Variants in OPRM1 observed in about 807,000 individuals in gnomAD.
The protein encoded by OPRM1 is mu-type opioid receptor.
OPRM1 carries 27 observed loss-of-function variants against 31.8 expected under a neutral mutation model. The ratio of observed to expected loss-of-function variants is 0.85; its 90% CI spans 0.63 to 1.17. OPRM1 has a LOEUF of 1.17. Ranked by LOEUF, OPRM1 falls within the 50% of genes most tolerant of loss-of-function variation. The pLI is 0.00. For synonymous variants in OPRM1, 196 were observed against 189.9 expected (o/e 1.03, Z -0.26); for missense variants, 536 against 511.1 (o/e 1.05, Z -0.47).
chr6:154,170,802 G>A (rs1054942858), intron 3 of OPRM1, among the ~76,000 whole-genome samples: 18 of 152,204 alleles, frequency 1.2e-4, no homozygotes, highest in Non-Finnish European at 4.4e-5. Flanking sequence ...AAGTGTGGAT[G>A]AGGATGTGGA....
At chr6:154,107,574 T>C (rs1795778820) in intron 3 of OPRM1, 1 of 718,574 alleles carries the variant, frequency 1.4e-6, no homozygotes, top group Non-Finnish European at 2.6e-6. Context: ...AGCATTAATT[T>C]TGAGTTTGCA....
At chr6:154,109,767 C>CCTCTCT (rs60360261) in intron 3 of OPRM1, among the ~76,000 whole-genome samples, 52 of 127,508 alleles carry the variant, frequency 4.1e-4, no homozygotes, top group African/African-American at 1.4e-3. Context: ...ACTCTCTCTC[C>CCTCTCT]CTCTCTCTCT....
intron 3 of OPRM1, among the ~76,000 whole-genome samples, chr6:154,203,124 C>T (rs1219508082): frequency 6.6e-6 from 1 of 152,198 alleles, no homozygotes; most frequent in Non-Finnish European, 1.5e-5. Flanking sequence ...GAACTCTTAG[C>T]TCACTGCCTT....
chr6:154,148,095 G>C (rs1009135886), intron 3 of OPRM1, among the ~76,000 whole-genome samples: 1 of 152,220 alleles, frequency 6.6e-6, no homozygotes, highest in African/African-American at 2.4e-5. Flanking sequence ...GAATGGAAAA[G>C]CATGTGAAAG....
intron 3 of OPRM1, among the ~76,000 whole-genome samples, chr6:154,189,225 A>C (rs962955855): frequency 6.6e-6 from 1 of 152,194 alleles, no homozygotes; most frequent in Non-Finnish European, 1.5e-5. Context: ...TTTTGCAAAA[A>C]TTCAGAAACT....
At chr6:154,213,681 C>T (rs978870585) in intron 3 of OPRM1, among the ~76,000 whole-genome samples, 1 of 152,196 alleles carries the variant, frequency 6.6e-6, no homozygotes, top group South Asian at 2.1e-4. Context: ...CTCTTCTCAA[C>T]ACTAAGGTGT....
chr6:154,094,395 C>G, intron 3 of OPRM1: 1 of 420,112 alleles, frequency 2.4e-6, no homozygotes, highest in Non-Finnish European at 4.7e-6. Flanking sequence ...AAGAGCTGCT[C>G]AGTCAGCTTT....
intron 3 of OPRM1, among the ~76,000 whole-genome samples, chr6:154,152,642 C>T (rs1448970891): frequency 6.6e-6 from 1 of 151,310 alleles, no homozygotes; most frequent in African/African-American, 2.4e-5. Context: ...AATGCTTTGT[C>T]TTTAAATGCA....
At chr6:154,081,226 T>G (rs1471247045) in intron 1 of OPRM1, among the ~76,000 whole-genome samples, 1 of 152,138 alleles carries the variant, frequency 6.6e-6, no homozygotes, top group Admixed American at 6.5e-5. Flanking sequence ...GCAAAGGGCC[T>G]GGCGCGGTGG....
At chr6:154,222,589 T>C (rs1169313495) in intron 3 of OPRM1, among the ~76,000 whole-genome samples, 1 of 152,124 alleles carries the variant, frequency 6.6e-6, no homozygotes, top group African/African-American at 2.4e-5. Context: ...GCTCATGAGA[T>C]CTAAGCAGGT....
At position 154,082,947 on chromosome 6, in the gene OPRM1, A is replaced by G. The variant is rs141824860; in HGVS notation, c.291-6879A>G. Among the ~76,000 whole-genome samples, 32 of 152,330 alleles carry G rather than the reference A, an allele frequency of 2.1e-4. No individual in the cohort carries two copies. The East Asian group carries it at 5.6e-3, about 27-fold the overall frequency. ...GAATATAACATAGTAACATTTTTCT[A>G]TAATACATAAATACTATTTATCACA... On this transcript the variant is annotated intron_variant, in intron 1 of 3. Coordinates refer to ENST00000330432, the MANE Select transcript of OPRM1 (RefSeq NM_000914.5).
chr6:154,214,154 TCACCC>T, intron 3 of OPRM1: 1 of 1,044,716 alleles, frequency 9.6e-7, no homozygotes, highest in Non-Finnish European at 1.5e-6. Context: ...CATTGTTTTT[TCACCC>T]TGTTTCAACC....
At chr6:154,153,215 G>C (rs1406677390) in intron 3 of OPRM1, among the ~76,000 whole-genome samples, 1 of 152,136 alleles carries the variant, frequency 6.6e-6, no homozygotes, top group Non-Finnish European at 1.5e-5. Flanking sequence ...GCTGGTCCAC[G>C]GGGACTCAGC....
Position 154,192,798 on chromosome 6 carries a change from G to C in OPRM1, c.1165-53895G>C, listed in dbSNP as rs192098870. On this transcript the variant is annotated intron_variant, in intron 3 of 3. Coordinates refer to the OPRM1 transcript ENST00000337049. ...GTGATGGAAACCACTAATTGCCAGG[G>C]AAATGCAAATCAAAACCATAATGTG... Among the ~76,000 whole-genome samples the C allele has an allele frequency of 2.0e-5, 3 of 152,256 alleles. No homozygotes were observed. In the East Asian group the frequency reaches 5.8e-4, roughly 29 times the overall value.
chr6:154,172,169 C>A (rs1470249651), intron 3 of OPRM1, among the ~76,000 whole-genome samples: 1 of 152,194 alleles, frequency 6.6e-6, no homozygotes, highest in Non-Finnish European at 1.5e-5. Flanking sequence ...ATTATCATTG[C>A]TTCCAAGATA....
In OPRM1 at chr6:154,095,121, G is replaced by A. The variant is rs371308383; in HGVS notation, c.1164+3649G>A. 2.0e-5 allele frequency among the ~76,000 whole-genome samples: 3 copies of A among 152,116 alleles called. No homozygotes were observed. In the East Asian group the frequency reaches 5.8e-4, roughly 29 times the overall value. On this transcript the variant is annotated intron_variant, in intron 3 of 3. Transcript: ENST00000330432. ...AGCCTGGTCAACATGGTGAAACCCC[G>A]TCTCTACTAAAAATACAAAATTAGC...
At chr6:154,113,298 A>G (rs776960452) in intron 3 of OPRM1, among the ~76,000 whole-genome samples, 16 of 152,220 alleles carry the variant, frequency 1.1e-4, no homozygotes, top group Non-Finnish European at 1.9e-4. Flanking sequence ...AAAACCATGT[A>G]TCCCTCAGGC....
intron 3 of OPRM1, among the ~76,000 whole-genome samples, chr6:154,095,709 T>G (rs768936385): frequency 2.6e-5 from 4 of 152,206 alleles, no homozygotes; most frequent in Non-Finnish European, 4.4e-5. Flanking sequence ...GTGTTTTTTT[T>G]GTGCATGCCT....
At chr6:154,088,828 C>T (rs1791287453) in intron 1 of OPRM1, among the ~76,000 whole-genome samples, 1 of 152,224 alleles carries the variant, frequency 6.6e-6, no homozygotes, top group Non-Finnish European at 1.5e-5. Flanking sequence ...TCTTCTTCCC[C>T]AGTCAGATCC....
Sources: gnomAD v4.1 joint callset for allele counts (sites outside exome capture counted in the v4.1 genomes callset) on GRCh38, gnomAD v4.1.1 for gene constraint, MANE v1.5 for transcripts, NCBI Gene and HGNC (gene_info 2026-07-23, HGNC 2026-07-21) for gene names.